Variants in IQSEC3 observed in about 807,000 individuals in gnomAD.
IQSEC3 encodes the protein IQ motif and Sec7 domain ArfGEF 3, also known as IQ motif and SEC7 domain-containing protein 3.
IQSEC3 carries 50 observed loss-of-function variants against 105.4 expected under a neutral mutation model. The observed-to-expected ratio is 0.47, with a 90% CI of 0.38 to 0.60. IQSEC3 has a LOEUF of 0.60. Among genes scored for constraint, IQSEC3 ranks in the 20% least tolerant of loss-of-function variants. The pLI is 0.00. For synonymous variants in IQSEC3, 708 were observed against 746.0 expected, an observed-to-expected ratio of 0.95 and a Z score of 0.83; for missense variants, 1,415 against 1,630.0, an observed-to-expected ratio of 0.87 and a Z score of 2.27.
chr12:69,907 C>T (rs1863244534), intron 1 of IQSEC3, among the ~76,000 whole-genome samples: 1 of 152,264 alleles, frequency 6.6e-6, no homozygotes, highest in South Asian at 2.1e-4. Flanking sequence ...AGCCAGCAGG[C>T]AGACAGAGAT....
Position 138,453 on chromosome 12 carries a change from C to T in IQSEC3, c.1090C>T (p.Leu364=). Residue 364 remains leucine (L), a synonymous_variant, in exon 4 of 14, where the codon CTG becomes TTG. Transcript: ENST00000538872. The surrounding 1 kb of genome is among the most constrained non-coding windows in gnomAD (Gnocchi z 7.1). ...RKVRSPTAES[L]AAEKALMEGY... ...GGTGCGGTCACCCACGGCCGAGAGC[C>T]TGGCGGCCGAGAAAGCGCTCATGGA... 6.2e-7 allele frequency: 1 copy of T among 1,603,496 alleles called. No homozygotes were observed. Among genetic ancestry groups the T allele is most frequent in the East Asian group, 2.2e-5 (1 of 44,794 alleles).
intron 5 of IQSEC3, chr12:141,856 C>T (rs1331602997): frequency 2.0e-5 from 3 of 152,542 alleles, no homozygotes; most frequent in South Asian, 2.1e-4. Flanking sequence ...GTTTTAAAGT[C>T]CAGTAGCAGG....
At chr12:114,933 C>T (rs1865003108) in intron 2 of IQSEC3, among the ~76,000 whole-genome samples, 1 of 152,198 alleles carries the variant, frequency 6.6e-6, no homozygotes, top group African/African-American at 2.4e-5. Flanking sequence ...CCTCTTAACA[C>T]TTGCAGAGAT....
Position 123,268 on chromosome 12 carries a change from A to G in IQSEC3, c.624-2365A>G, listed in dbSNP as rs1056645760. 2.6e-5 allele frequency among the ~76,000 whole-genome samples: 4 copies of G among 151,902 alleles called. No individual in the cohort carries two copies. The South Asian group carries it at 6.2e-4, about 24-fold the overall frequency. ...AAAAAAATTTAAAAATTTGCCCGGT[A>G]TGGTGGTGCGTACCCACCTGTAGCC... On this transcript the variant is annotated intron_variant, in intron 2 of 13. Transcript: ENST00000538872.
At chr12:124,166 C>T (rs1336923950) in intron 2 of IQSEC3, among the ~76,000 whole-genome samples, 1 of 152,030 alleles carries the variant, frequency 6.6e-6, no homozygotes, top group Non-Finnish European at 1.5e-5. Context: ...GCGGGTGGAT[C>T]ACCTGAGGTC....
At chr12:117,564 C>G (rs183577947) in intron 2 of IQSEC3, among the ~76,000 whole-genome samples, 1 of 152,254 alleles carries the variant, frequency 6.6e-6, no homozygotes, top group Admixed American at 6.5e-5. Flanking sequence ...CAGGAGCCAC[C>G]CTGTGGCCCA....
chr12:124,445 G>A (rs1555082623), intron 2 of IQSEC3, among the ~76,000 whole-genome samples: 1 of 151,448 alleles, frequency 6.6e-6, no homozygotes, highest in African/African-American at 2.4e-5. Context: ...CACATACTCT[G>A]TGCTAAGCAC....
chr12:86,687 T>G lies in IQSEC3; in HGVS notation c.555-12459T>G, dbSNP rs190923194. Among the ~76,000 whole-genome samples, 98 of 152,222 alleles carry G rather than the reference T, an allele frequency of 6.4e-4. No homozygotes were observed. The East Asian group carries it at 6.6e-3, about 10-fold the overall frequency. ...AGCGCACGGCCTAGTACAAGCATTT[T>G]TGTGTGTGTGTGCCTGCTCTGTGCT... On this transcript the variant is annotated intron_variant, in intron 1 of 13. Transcript: ENST00000538872.
Position 93,503 on chromosome 12 carries a change from G to C in IQSEC3, c.555-5643G>C, listed in dbSNP as rs146527631. ...TCCAGGGAGGGTGGGAAGAGAGCAAGGCAGAGACAGAGGGGAAGGCTGTGG... is the reference window on the plus strand; with the variant it reads ...TCCAGGGAGGGTGGGAAGAGAGCAACGCAGAGACAGAGGGGAAGGCTGTGG... On this transcript the variant is annotated intron_variant, in intron 1 of 13. Transcript: ENST00000538872. Among the ~76,000 whole-genome samples the C allele has an allele frequency of 1.7e-3, 256 of 152,314 alleles. 2 individuals carry two copies. Among genetic ancestry groups the C allele is most frequent in the African/African-American group, 5.9e-3 (245 of 41,568 alleles).
intron 1 of IQSEC3, among the ~76,000 whole-genome samples, chr12:96,224 A>T (rs781862432): frequency 2.6e-5 from 4 of 152,190 alleles, no homozygotes; most frequent in Non-Finnish European, 4.4e-5. Context: ...TTTCTGATTG[A>T]CAATTGGTTG....
intron 1 of IQSEC3, among the ~76,000 whole-genome samples, chr12:80,183 G>C (rs1863696779): frequency 1.3e-5 from 2 of 152,194 alleles, no homozygotes; most frequent in South Asian, 4.1e-4. Context: ...TCTGGCTGAC[G>C]TGCTGCTGCA....
rs565762518 is a variant in IQSEC3, at chr12:139,203, T to C, written c.1840T>C (p.Ser614Pro). The C allele has an allele frequency of 6.5e-7, 1 of 1,532,074 alleles. No individual in the cohort carries two copies. Among genetic ancestry groups the C allele is most frequent in the East Asian group, 2.5e-5 (1 of 39,374 alleles). The allele number at this position is 1,532,074 out of a possible 1,614,324, so 94.9% of individuals were successfully genotyped here. A position where few individuals can be genotyped will look rare whatever the true frequency, so the allele number is the denominator to read the frequency against. Residue 614 changes from serine to proline, a missense_variant, in exon 4 of 14, where the codon TCG becomes CCG. Transcript: ENST00000538872. Reference sequence around the variant, plus strand: ...GTCCGCCAAGTCAGGCTCGGAGGCGTCGGCCTCCGCCTCCAAGGACGCCCT... The same window carrying C: ...GTCCGCCAAGTCAGGCTCGGAGGCGCCGGCCTCCGCCTCCAAGGACGCCCT... The part of the protein sequence containing the change: ...TKSAKSGSEA[S>P]ASASKDALQA...
At chr12:110,515 G>A (rs1173370773) in intron 2 of IQSEC3, among the ~76,000 whole-genome samples, 2 of 151,800 alleles carry the variant, frequency 1.3e-5, no homozygotes, top group African/African-American at 4.8e-5. Flanking sequence ...CTGCACTGGG[G>A]CCTGATCTCT....
chr12:90,963 G>A (rs1555073225), intron 1 of IQSEC3, among the ~76,000 whole-genome samples: 2 of 152,142 alleles, frequency 1.3e-5, no homozygotes, highest in African/African-American at 4.8e-5. Flanking sequence ...TAGTGATGGT[G>A]GTACCAAGAT....
intron 1 of IQSEC3, among the ~76,000 whole-genome samples, chr12:84,509 CA>C (rs1863853392): frequency 6.6e-6 from 1 of 152,212 alleles, no homozygotes; most frequent in Admixed American, 6.5e-5. Flanking sequence ...AGTGTGCACA[CA>C]TGTGCAGGAT....
chr12:123,499 A>G (rs1244007573), intron 2 of IQSEC3, among the ~76,000 whole-genome samples: 2 of 152,240 alleles, frequency 1.3e-5, no homozygotes, highest in Non-Finnish European at 2.9e-5. Flanking sequence ...ATGCAGCTTG[A>G]TTGGTGGCCA....
intron 1 of IQSEC3, among the ~76,000 whole-genome samples, chr12:73,224 C>T (rs577233411): frequency 3.3e-5 from 5 of 152,270 alleles, no homozygotes; most frequent in Admixed American, 6.5e-5. Context: ...TGGGCAAGCA[C>T]GCCTGGGGAG....
intron 5 of IQSEC3, among the ~76,000 whole-genome samples, chr12:145,021 TG>T (rs782506030): frequency 2.0e-5 from 3 of 152,218 alleles, no homozygotes; most frequent in Non-Finnish European, 4.4e-5. Flanking sequence ...TTTGTAGCGA[TG>T]GGGGTCTCAC....
At chr12:149,688 G>A (rs1198820875) in intron 5 of IQSEC3, among the ~76,000 whole-genome samples, 2 of 152,184 alleles carry the variant, frequency 1.3e-5, no homozygotes, top group Non-Finnish European at 2.9e-5. Context: ...GGAGATAAAC[G>A]CAATGGTCGA....
Sources: gnomAD v4.1 joint callset for allele counts (sites outside exome capture counted in the v4.1 genomes callset) on GRCh38, gnomAD v4.1.1 for gene constraint, Gnocchi (gnomAD v3.1) non-coding constraint, MANE v1.5 for transcripts, NCBI Gene and HGNC (gene_info 2026-07-23, HGNC 2026-07-21) for gene names.